The following HMGB1 variants were observed in gnomAD, a reference collection of about 807,000 sequenced individuals.
HMGB1 encodes the protein high mobility group box 1.
For missense variants in HMGB1, 79 were observed against 253.5 expected (o/e 0.31, Z 4.67); for synonymous variants, 81 against 84.0 (o/e 0.96, Z 0.19).
chr13:30,505,959 T>C (rs2137458301), intron 1 of HMGB1, among the ~76,000 whole-genome samples: 1 of 152,142 alleles, frequency 6.6e-6, no homozygotes, highest in Admixed American at 6.5e-5. Context: ...CCCTGGCGTC[T>C]GGTGATCAGC....
chr13:30,463,763 T>A, intron 1 of HMGB1, 69 bp from the exon 2 acceptor site: 1 of 1,052,474 alleles, frequency 9.5e-7, no homozygotes, highest in Non-Finnish European at 1.3e-6. Context: ...AAGTACTTAG[T>A]AAGGGAATGA....
At chr13:30,528,146 C>G (rs1888412490) in intron 1 of HMGB1, among the ~76,000 whole-genome samples, 1 of 152,200 alleles carries the variant, frequency 6.6e-6, no homozygotes, top group Non-Finnish European at 1.5e-5. Flanking sequence ...ACCAGGCAAC[C>G]CGTCTCCTGG....
intron 1 of HMGB1, among the ~76,000 whole-genome samples, chr13:30,612,643 C>T (rs975118167): frequency 1.3e-5 from 2 of 152,184 alleles, no homozygotes; most frequent in South Asian, 4.1e-4. Flanking sequence ...GAAAGTAAGA[C>T]TACCTATGTC....
chr13:30,517,508 G>A (rs1157389928), intron 1 of HMGB1, among the ~76,000 whole-genome samples: 1 of 152,214 alleles, frequency 6.6e-6, no homozygotes, highest in African/African-American at 2.4e-5. Context: ...GGGTTCAAGC[G>A]ATTCTCCTGC....
chr13:30,531,515 T>C (rs1403784790), intron 1 of HMGB1, among the ~76,000 whole-genome samples: 1 of 123,696 alleles, frequency 8.1e-6, no homozygotes, highest in Non-Finnish European at 1.8e-5. Context: ...TATACGTGTG[T>C]GTGTGTGTGT....
chr13:30,608,239 T>A (rs949994305), intron 1 of HMGB1, among the ~76,000 whole-genome samples: 2 of 152,224 alleles, frequency 1.3e-5, no homozygotes, highest in African/African-American at 4.8e-5. Flanking sequence ...TATCATTTCA[T>A]ACACAATGTA....
At chr13:30,614,600 T>C (rs1180886216) in intron 1 of HMGB1, among the ~76,000 whole-genome samples, 2 of 152,224 alleles carry the variant, frequency 1.3e-5, no homozygotes, top group African/African-American at 2.4e-5. Context: ...TGTCAGATAT[T>C]CCAGTATCAA....
At chr13:30,567,975 GATTA>G (rs1249148187) in intron 1 of HMGB1, among the ~76,000 whole-genome samples, 1 of 152,184 alleles carries the variant, frequency 6.6e-6, no homozygotes, top group Admixed American at 6.5e-5. Flanking sequence ...TTGGGCAGTT[GATTA>G]ATTGTACCTA....
chr13:30,554,010 C>T (rs1177257918), intron 1 of HMGB1: 23 of 1,481,612 alleles, frequency 1.6e-5, no homozygotes, highest in Middle Eastern at 2.4e-4. Flanking sequence ...TGTGCTGAAC[C>T]GCATTGTGGA....
chr13:30,527,798 G>T (rs113124503), intron 1 of HMGB1, among the ~76,000 whole-genome samples: 1 of 152,014 alleles, frequency 6.6e-6, no homozygotes, highest in Non-Finnish European at 1.5e-5. Context: ...CCTTCCCAAG[G>T]TCATATAGCC....
chr13:30,581,239 T>C (rs746391361), intron 1 of HMGB1, among the ~76,000 whole-genome samples: 3 of 152,188 alleles, frequency 2.0e-5, no homozygotes, highest in African/African-American at 4.8e-5. Flanking sequence ...AGATCTATAA[T>C]CTGCTCTAGA....
chr13:30,603,364 G>GA (rs901774676), intron 1 of HMGB1, among the ~76,000 whole-genome samples: 3 of 152,134 alleles, frequency 2.0e-5, no homozygotes, highest in African/African-American at 7.2e-5. Context: ...GTTCAAAACT[G>GA]AACTGGGCAT....
chr13:30,464,719 C>CGCCGCG, intron 1 of HMGB1: 1 of 834,556 alleles, frequency 1.2e-6, no homozygotes, highest in Non-Finnish European at 1.4e-6. Context: ...GCGCCGCCGC[C>CGCCGCG]GCCGCGAGGG....
chr13:30,574,488 G>A (rs1336967078), intron 1 of HMGB1, among the ~76,000 whole-genome samples: 7 of 152,156 alleles, frequency 4.6e-5, no homozygotes, highest in South Asian at 2.1e-4. Context: ...CATAATCGAC[G>A]GTAAAAATTT....
chr13:30,523,554 T>C (rs1888286326), intron 1 of HMGB1, among the ~76,000 whole-genome samples: 1 of 152,030 alleles, frequency 6.6e-6, no homozygotes, highest in Non-Finnish European at 1.5e-5. Context: ...GTCCAAAAGA[T>C]GTTACCACTC....
chr13:30,481,428 T>C (rs1381014638), intron 1 of HMGB1, among the ~76,000 whole-genome samples: 1 of 152,212 alleles, frequency 6.6e-6, no homozygotes, highest in African/African-American at 2.4e-5. Context: ...TTGCAAGCAC[T>C]AACCGCTAAA....
chr13:30,581,955 T>A (rs1040232779), intron 1 of HMGB1, among the ~76,000 whole-genome samples: 1 of 152,166 alleles, frequency 6.6e-6, no homozygotes, highest in African/African-American at 2.4e-5. Context: ...GAAGGAAGTG[T>A]TTTATGATTA....
intron 1 of HMGB1, among the ~76,000 whole-genome samples, chr13:30,506,722 C>G (rs942506125): frequency 6.6e-6 from 1 of 152,180 alleles, no homozygotes; most frequent in Non-Finnish European, 1.5e-5. Flanking sequence ...CAAAGCCTCA[C>G]CTGCTTTAGG....
chr13:30,583,575 C>T (rs1871001366), intron 1 of HMGB1, among the ~76,000 whole-genome samples: 1 of 149,378 alleles, frequency 6.7e-6, no homozygotes, highest in African/African-American at 2.5e-5. Context: ...GTGGCTCACA[C>T]CTGTAATCCC....
Sources: gnomAD v4.1 joint callset for allele counts (sites outside exome capture counted in the v4.1 genomes callset) on GRCh38, gnomAD v4.1.1 for gene constraint, MANE v1.5 for transcripts, NCBI Gene and HGNC (gene_info 2026-07-23, HGNC 2026-07-21) for gene names.